Variants in MAPT observed in about 807,000 individuals in gnomAD.
The protein encoded by MAPT is microtubule associated protein tau.
A neutral mutation model predicts 67.9 loss-of-function variants in MAPT; 34 were observed. The observed-to-expected ratio is 0.50, with a 90% CI of 0.38 to 0.67. The LOEUF (loss-of-function observed/expected upper bound fraction) is 0.67, where lower values mean the gene tolerates loss of function less well. Among genes scored for constraint, MAPT ranks in the 30% least tolerant of loss-of-function variants. The probability of loss-of-function intolerance (pLI) is 0.00; values close to 1 mark genes in which losing one functional copy is unlikely to be tolerated. For missense variants in MAPT, 881 were observed against 1,115.2 expected (o/e 0.79, Z 2.99); for synonymous variants, 456 against 464.5 (o/e 0.98, Z 0.23).
At chr17:45,968,703 C>T (rs1291349498) in intron 2 of MAPT, among the ~76,000 whole-genome samples, 1 of 152,236 alleles carries the variant, frequency 6.6e-6, no homozygotes, top group Non-Finnish European at 1.5e-5. Context: ...TCCATATCTG[C>T]ATCACCACCA....
intron 1 of MAPT, among the ~76,000 whole-genome samples, chr17:45,927,665 A>G (rs2066468244): frequency 6.6e-6 from 1 of 151,958 alleles, no homozygotes; most frequent in Non-Finnish European, 1.5e-5. Flanking sequence ...CCTTCAGTCA[A>G]CCACCCTAGC....
chr17:46,000,568 T>G (rs1010929387), intron 9 of MAPT, among the ~76,000 whole-genome samples: 3 of 152,190 alleles, frequency 2.0e-5, no homozygotes, highest in Admixed American at 1.3e-4. Context: ...GAAGAGGGAA[T>G]TCTTTTAAAC....
At chr17:45,993,579 A>G (rs1390324085) in intron 8 of MAPT, among the ~76,000 whole-genome samples, 1 of 152,110 alleles carries the variant, frequency 6.6e-6, no homozygotes, top group East Asian at 1.9e-4. Context: ...ACGCCCTGCT[A>G]ATTTTTGTAT....
chr17:45,969,908 T>G (rs1358903410), intron 2 of MAPT, among the ~76,000 whole-genome samples: 1 of 151,462 alleles, frequency 6.6e-6, no homozygotes, highest in Non-Finnish European at 1.5e-5. Flanking sequence ...ATTATCCATT[T>G]GATCATACAT....
intron 1 of MAPT, among the ~76,000 whole-genome samples, chr17:45,944,299 A>T (rs951648373): frequency 2.0e-5 from 3 of 151,974 alleles, no homozygotes; most frequent in Admixed American, 6.5e-5. Context: ...TTCCCTTTCC[A>T]CCCAAATCCA....
At chr17:45,957,819 C>A (rs1409485324) in intron 1 of MAPT, among the ~76,000 whole-genome samples, 1 of 151,858 alleles carries the variant, frequency 6.6e-6, no homozygotes. Flanking sequence ...TAATACAATT[C>A]CAGCCGAAAT....
Position 46,024,080 on chromosome 17 carries a change from C to T in MAPT, c.2411C>T (p.Ser804Phe), listed in dbSNP as rs1299869019. ...TCTCCACGGCATCTCAGCAATGTCT[C>T]CTCCACCGGCAGCATCGACATGGTA... Reference protein sequence around the residue: ...DTSPRHLSNVSSTGSIDMVDS... With the variant: ...DTSPRHLSNVFSTGSIDMVDS... Residue 804 changes from serine (S) to phenylalanine (F), a missense_variant, in exon 13 of 13, where the codon TCC (serine) becomes TTC (phenylalanine). Ser to Phe is a radical substitution (Grantham distance 155). Around this residue, in one of 6 missense-constraint regions of MAPT, gnomAD observed 79 missense variants for 150.9 expected, o/e 0.52. Coordinates refer to ENST00000262410, the MANE Select transcript of MAPT (RefSeq NM_001377265.1). The T allele has an allele frequency of 6.2e-7, 1 of 1,614,064 alleles. No individual in the cohort carries two copies. The highest frequency in any genetic ancestry group is 8.5e-7 in the Non-Finnish European group (1 of 1,180,040).
chr17:45,946,631 T>A (rs1176403626), intron 1 of MAPT, among the ~76,000 whole-genome samples: 3 of 130,182 alleles, frequency 2.3e-5, no homozygotes, highest in Non-Finnish European at 3.3e-5. Context: ...TATATATATA[T>A]ATATATATGT....
chr17:45,956,594 ATATATATT>A (rs1311448109), intron 1 of MAPT, among the ~76,000 whole-genome samples: 27 of 14,662 alleles, frequency 1.8e-3, no homozygotes, highest in African/African-American at 4.6e-3. Context: ...ATATATATAT[ATATATATT>A]TTTTATTATT....
intron 1 of MAPT, among the ~76,000 whole-genome samples, chr17:45,941,664 C>T (rs866725170): frequency 5.4e-5 from 5 of 92,256 alleles, no homozygotes; most frequent in Non-Finnish European, 4.0e-5. Context: ...CCACCCTTCC[C>T]CCCTTCCCCC....
chr17:45,920,589 G>A (rs761730373), intron 1 of MAPT, among the ~76,000 whole-genome samples: 3 of 152,164 alleles, frequency 2.0e-5, no homozygotes, highest in Non-Finnish European at 4.4e-5. Flanking sequence ...GTGTTCAGTG[G>A]CTCAGCACTG....
At position 46,010,898 on chromosome 17, in the gene MAPT, C is replaced by T. The variant is rs911829494; in HGVS notation, c.2091+496C>T. Among the ~76,000 whole-genome samples the T allele has an allele frequency of 3.3e-5, 5 of 152,286 alleles. No homozygotes were observed. The highest frequency in any genetic ancestry group is 3.9e-4 in the East Asian group (2 of 5,180). On this transcript the variant is annotated intron_variant, in intron 10 of 12. Transcript: ENST00000262410. The surrounding 1 kb of genome is among the most constrained non-coding windows in gnomAD (Gnocchi z 4.7). ...CAGGTGACCCGTTTGTTCTGATGAG[C>T]GGACACCAAGGTCTTACTGTCCTGC...
intron 9 of MAPT, among the ~76,000 whole-genome samples, chr17:45,997,254 T>C (rs1333231521): frequency 6.6e-6 from 1 of 152,122 alleles, no homozygotes; most frequent in African/African-American, 2.4e-5. Flanking sequence ...CCCATTCCTG[T>C]CCCTGTGCCC....
intron 2 of MAPT, among the ~76,000 whole-genome samples, chr17:45,965,351 A>G (rs1337378383): frequency 6.6e-6 from 1 of 151,562 alleles, no homozygotes; most frequent in Non-Finnish European, 1.5e-5. Flanking sequence ...AATCACTTGA[A>G]TCTGGGAAGC....
Position 45,915,347 on chromosome 17 carries a change from G to A in MAPT, c.-18+20661G>A, listed in dbSNP as rs758752475. On this transcript the variant is annotated intron_variant, in intron 1 of 12. Transcript: ENST00000262410. The surrounding 1 kb of genome is among the most constrained non-coding windows in gnomAD (Gnocchi z 4.4). ...GTAGTGTGTGTGTGAAGTATGTGGT[G>A]TGTATGTGTGACGTGAGGTGTGTGT... Among the ~76,000 whole-genome samples, 1 of 151,506 alleles carries A rather than the reference G, an allele frequency of 6.6e-6. No individual in the cohort carries two copies. Among genetic ancestry groups the A allele is most frequent in the Non-Finnish European group, 1.5e-5 (1 of 67,856 alleles).
At chr17:45,976,350 T>C (rs1308005973) in intron 3 of MAPT, 5 of 152,178 alleles carry the variant, frequency 3.3e-5, no homozygotes, top group Non-Finnish European at 7.3e-5. Context: ...CTTGAAACAG[T>C]TGTGCTGGGA....
intron 1 of MAPT, among the ~76,000 whole-genome samples, chr17:45,957,497 C>T (rs2069871340): frequency 6.6e-6 from 1 of 152,194 alleles, no homozygotes. Context: ...TCCCTGAAAA[C>T]CTCTGATGGA....
At chr17:46,015,316 TGC>T (rs1387350668) in intron 11 of MAPT, among the ~76,000 whole-genome samples, 3 of 149,364 alleles carry the variant, frequency 2.0e-5, no homozygotes, top group African/African-American at 7.4e-5. Context: ...GCCGAGATCT[TGC>T]CACTGCACTC....
In MAPT at chr17:45,999,447, C is replaced by G. The variant is rs758951585; in HGVS notation, c.1998+2783C>G. ...TCAGCTTAGCATGGGAAGTAGCTTC[C>G]CTGTTGACCCTGAGTTCATCTGAGG... On this transcript the variant is annotated intron_variant, in intron 9 of 12. Transcript: ENST00000262410. 16 of 1,613,932 alleles carry G rather than the reference C, an allele frequency of 9.9e-6. No individual in the cohort carries two copies. The Admixed American group carries it at 1.3e-4, about 13-fold the overall frequency.
Sources: gnomAD v4.1 joint callset for allele counts (sites outside exome capture counted in the v4.1 genomes callset) on GRCh38, gnomAD v4.1.1 for gene constraint, gnomAD v4.1.1 regional missense constraint, Gnocchi (gnomAD v3.1) non-coding constraint, MANE v1.5 for transcripts, NCBI Gene and HGNC (gene_info 2026-07-23, HGNC 2026-07-21) for gene names.